Variants in PPARGC1A observed in about 807,000 individuals in gnomAD.
PPARGC1A encodes the protein PPARG coactivator 1 alpha, also known as peroxisome proliferator-activated receptor gamma coactivator 1-alpha.
Under a neutral mutation model 88.7 loss-of-function variants are expected in PPARGC1A, and 25 were observed. That is an observed-to-expected ratio of 0.28 (90% CI 0.21 to 0.39). PPARGC1A has a LOEUF of 0.39. PPARGC1A is among the 10% of genes least tolerant of loss of function. The pLI, the probability that PPARGC1A is intolerant of heterozygous loss-of-function variation, is 1.00. For missense variants in PPARGC1A, 880 were observed against 968.7 expected (o/e 0.91, Z 1.22); for synonymous variants, 363 against 355.6 (o/e 1.02, Z -0.24).
the PPARGC1A span, among the ~76,000 whole-genome samples, chr4:24,322,195 C>A: frequency 6.6e-6 from 1 of 152,138 alleles, no homozygotes; most frequent in Non-Finnish European, 1.5e-5. Flanking sequence ...GCCCACATAC[C>A]AAATCTGAAA....
At chr4:24,122,974 G>T in the PPARGC1A span, among the ~76,000 whole-genome samples, 3 of 152,062 alleles carry the variant, frequency 2.0e-5, no homozygotes, top group African/African-American at 7.2e-5. Flanking sequence ...CCTCCCTTCA[G>T]CCCCAGTTCT....
chr4:24,281,013 G>C, the PPARGC1A span, among the ~76,000 whole-genome samples: 7 of 152,120 alleles, frequency 4.6e-5, no homozygotes, highest in Non-Finnish European at 7.4e-5. Context: ...TTTATGAGTG[G>C]GCTGTCAGGC....
At chr4:24,180,962 C>T in the PPARGC1A span, among the ~76,000 whole-genome samples, 1 of 152,116 alleles carries the variant, frequency 6.6e-6, no homozygotes, top group Non-Finnish European at 1.5e-5. Flanking sequence ...AAACATGATC[C>T]CTCTGGGACA....
chr4:24,356,367 G>A, the PPARGC1A span, among the ~76,000 whole-genome samples: 3 of 152,072 alleles, frequency 2.0e-5, no homozygotes, highest in South Asian at 2.1e-4. Flanking sequence ...ATTATCCCTC[G>A]CTACTAAAAT....
At chr4:24,137,627 T>A in the PPARGC1A span, among the ~76,000 whole-genome samples, 1 of 152,100 alleles carries the variant, frequency 6.6e-6, no homozygotes, top group African/African-American at 2.4e-5. Flanking sequence ...CCTTGCCCAG[T>A]CTACTGGTCC....
chr4:24,434,890 C>T, the PPARGC1A span, among the ~76,000 whole-genome samples: 1 of 152,220 alleles, frequency 6.6e-6, no homozygotes, highest in East Asian at 1.9e-4. Context: ...GCTGCCCGTA[C>T]ATTTTGTTCA....
chr4:24,127,482 TA>T, the PPARGC1A span, among the ~76,000 whole-genome samples: 1 of 152,076 alleles, frequency 6.6e-6, no homozygotes, highest in Non-Finnish European at 1.5e-5. Context: ...CATTTTTTGT[TA>T]TTAGAATTTC....
chr4:23,881,632 G>A (rs1715955992), intron 2 of PPARGC1A: 1 of 152,206 alleles, frequency 6.6e-6, no homozygotes, highest in South Asian at 2.1e-4. Context: ...TCGATGGCCA[G>A]TTTCCAGTGG....
the PPARGC1A span, among the ~76,000 whole-genome samples, chr4:24,203,841 A>G: frequency 6.6e-6 from 1 of 152,242 alleles, no homozygotes; most frequent in African/African-American, 2.4e-5. Context: ...GATTACTCAG[A>G]TGCAGTGGAC....
At chr4:24,434,930 A>T in the PPARGC1A span, among the ~76,000 whole-genome samples, 1 of 152,192 alleles carries the variant, frequency 6.6e-6, no homozygotes, top group Non-Finnish European at 1.5e-5. Flanking sequence ...GAATTTTCTC[A>T]GCCCTGGCAC....
chr4:24,020,927 C>T, the PPARGC1A span, among the ~76,000 whole-genome samples: 879 of 152,286 alleles, frequency 5.8e-3, 43 homozygotes, highest in East Asian at 0.096. Context: ...GAGTTAAAAC[C>T]CTGCCTCTGT....
chr4:24,055,682 A>G, the PPARGC1A span, among the ~76,000 whole-genome samples: 12 of 152,244 alleles, frequency 7.9e-5, no homozygotes, highest in Non-Finnish European at 1.6e-4. Context: ...TTCAGTTGGG[A>G]GAGCTTCAGT....
the PPARGC1A span, among the ~76,000 whole-genome samples, chr4:24,333,934 CAACAACAAAAAAAAA>C: frequency 1.8e-3 from 25 of 14,158 alleles, 1 homozygote; most frequent in Admixed American, 4.7e-3. Flanking sequence ...ACTCCAACAA[CAACAACAAAAAAAAA>C]AAAAAAAAAA....
the PPARGC1A span, among the ~76,000 whole-genome samples, chr4:23,937,783 G>C: frequency 0.97 from 148,208 of 152,232 alleles, 72,260 homozygotes; most frequent in East Asian, 1. Flanking sequence ...CTGCCCCTCT[G>C]CCCTGGAGGA....
chr4:23,944,856 G>A, the PPARGC1A span, among the ~76,000 whole-genome samples: 5 of 152,234 alleles, frequency 3.3e-5, no homozygotes, highest in African/African-American at 7.2e-5. Flanking sequence ...CAGTCATGCC[G>A]AACTGTGAGT....
the PPARGC1A span, among the ~76,000 whole-genome samples, chr4:24,093,990 C>T: frequency 1.0e-5 from 1 of 98,232 alleles, no homozygotes; most frequent in East Asian, 4.1e-4. Flanking sequence ...CCAGCATAAC[C>T]ACATGCCCTT....
intron 7 of PPARGC1A, among the ~76,000 whole-genome samples, chr4:23,821,586 G>A (rs149789889): frequency 9.4e-4 from 143 of 152,166 alleles, no homozygotes; most frequent in African/African-American, 3.3e-3. Flanking sequence ...TCAAAAGTTG[G>A]AAAGATAAGA....
the PPARGC1A span, among the ~76,000 whole-genome samples, chr4:24,336,609 T>TTACA: frequency 6.6e-6 from 1 of 152,228 alleles, no homozygotes; most frequent in East Asian, 1.9e-4. Flanking sequence ...ATCACTAATT[T>TTACA]TACATACATG....
At chr4:24,186,975 G>C in the PPARGC1A span, among the ~76,000 whole-genome samples, 1 of 152,182 alleles carries the variant, frequency 6.6e-6, no homozygotes, top group African/African-American at 2.4e-5. Context: ...CTTAAATACA[G>C]TTTTTTAAAA....
Sources: gnomAD v4.1 joint callset for allele counts (sites outside exome capture counted in the v4.1 genomes callset) on GRCh38, gnomAD v4.1.1 for gene constraint, MANE v1.5 for transcripts, NCBI Gene and HGNC (gene_info 2026-07-23, HGNC 2026-07-21) for gene names.